Variants in COL1A2 observed in about 807,000 individuals in gnomAD.
COL1A2 encodes collagen alpha-2(I) chain.
Under a neutral mutation model 174.3 loss-of-function variants are expected in COL1A2, and 49 were observed. The ratio of observed to expected loss-of-function variants is 0.28; its 90% CI spans 0.22 to 0.36. COL1A2 has a LOEUF of 0.36. Ranked by LOEUF, COL1A2 falls within the 10% of genes least tolerant of loss-of-function variation. COL1A2 has a pLI of 1.00. For missense variants in COL1A2, 1,438 were observed against 1,822.7 expected, an observed-to-expected ratio of 0.79 and a Z score of 3.84; for synonymous variants, 655 against 606.6, an observed-to-expected ratio of 1.08 and a Z score of -1.17.
intron 31 of COL1A2, among the ~76,000 whole-genome samples, chr7:94,417,296 A>C (rs1338787295): frequency 6.6e-6 from 1 of 152,208 alleles, no homozygotes; most frequent in East Asian, 1.9e-4. Flanking sequence ...AAAATGGAAG[A>C]TACAGTCTCT....
At chr7:94,416,377 C>T in intron 30 of COL1A2, 28 bp from the exon 31 acceptor site, 1 of 1,531,558 alleles carries the variant, frequency 6.5e-7, no homozygotes, top group Non-Finnish European at 8.9e-7. Flanking sequence ...ATGAATGGTG[C>T]AACACTTCTT....
intron 31 of COL1A2, 169 bp downstream of exon 31, chr7:94,416,672 T>A: frequency 1.6e-6 from 1 of 615,116 alleles, no homozygotes; most frequent in Non-Finnish European, 2.9e-6. Flanking sequence ...TGAATTATTC[T>A]AAACAAACAA....
At chr7:94,401,989 T>C (rs1021079776) in intron 6 of COL1A2, among the ~76,000 whole-genome samples, 1 of 152,150 alleles carries the variant, frequency 6.6e-6, no homozygotes. Flanking sequence ...TTAACATTGC[T>C]TAGAATTTTA....
rs759295827 is a variant in COL1A2 at position 94,429,474 on chromosome 7, G to A, written c.3954+44G>A. ...TGGGAATAGCTTTGGGAAGTGGGATGGAGGGGGTTCTAACTTAGACTGCCC... is the reference window on the plus strand; with the variant it reads ...TGGGAATAGCTTTGGGAAGTGGGATAGAGGGGGTTCTAACTTAGACTGCCC... On this transcript the variant is annotated intron_variant, in intron 51 of 51. Transcript: ENST00000297268. The A allele has an allele frequency of 2.5e-6, 4 of 1,610,116 alleles. No homozygotes were observed. The South Asian group carries it at 4.4e-5, about 18-fold the overall frequency.
At chr7:94,419,027 C>A (rs1490664087) in intron 33 of COL1A2, among the ~76,000 whole-genome samples, 1 of 148,932 alleles carries the variant, frequency 6.7e-6, no homozygotes, top group Non-Finnish European at 1.5e-5. Context: ...AAAGATAATC[C>A]CATGACAGTC....
Position 94,405,185 on chromosome 7 carries a change from G to A in COL1A2, c.433-14G>A, listed in dbSNP as rs1465833801. ...ACCAAGAAGAAGTTGACTCTACAAT[G>A]TTTTCATGTTTAGGGTCACCCTGGA... is the stretch of plus-strand genomic sequence containing the variant. On this transcript the variant is annotated splice_polypyrimidine_tract_variant and intron_variant, in intron 9 of 51. Transcript: ENST00000297268. 2 of 1,613,714 alleles carry A rather than the reference G, an allele frequency of 1.2e-6. No homozygotes were observed. The highest frequency in any genetic ancestry group is 1.1e-5 in the South Asian group (1 of 91,044).
At chr7:94,416,346 A>G in intron 30 of COL1A2, 59 bp from the exon 31 acceptor site, 1 of 1,415,200 alleles carries the variant, frequency 7.1e-7, no homozygotes, top group East Asian at 2.5e-5. Flanking sequence ...TCTCATATGT[A>G]AAACAGTATC....
intron 5 of COL1A2, among the ~76,000 whole-genome samples, chr7:94,400,566 C>CT (rs1791669778): frequency 1.3e-5 from 2 of 152,040 alleles, no homozygotes; most frequent in Non-Finnish European, 2.9e-5. Context: ...TAGTAAGGCA[C>CT]AAATAAGAGG....
At chr7:94,419,820 A>G (rs1223284578) in intron 34 of COL1A2, among the ~76,000 whole-genome samples, 1 of 152,216 alleles carries the variant, frequency 6.6e-6, no homozygotes, top group Non-Finnish European at 1.5e-5. Context: ...CAATATCCTA[A>G]TGCACTGAGG....
In COL1A2 at chr7:94,423,085, T is replaced by A; in HGVS notation, c.2532T>A (p.Gly844=). The change falls in exon 40 of 52, where the codon GGT becomes GGA. Residue 844 remains glycine, a synonymous_variant. Transcript: ENST00000297268. The part of the protein sequence containing the change: ...VGAVGPPGFA[G]EKGPSGEAGT... Reference sequence around the variant, plus strand: ...CAGTTGGTCCCCCTGGCTTCGCTGGTGAGAAGGGTCCCTCTGGAGAGGCTG... The same window carrying A: ...CAGTTGGTCCCCCTGGCTTCGCTGGAGAGAAGGGTCCCTCTGGAGAGGCTG... 6.2e-7 allele frequency: 1 copy of A among 1,614,082 alleles called. No individual in the cohort carries two copies. The highest frequency in any genetic ancestry group is 8.5e-7 in the Non-Finnish European group (1 of 1,179,932).
chr7:94,429,122 TCATGTTTGAC>T, intron 50 of COL1A2, 56 bp from the exon 51 acceptor site: 3 of 1,247,814 alleles, frequency 2.4e-6, no homozygotes, highest in South Asian at 1.4e-5. Context: ...TTTTTTTTTT[TCATGTTTGAC>T]TCTTAGTATC....
chr7:94,409,431 A>G lies in COL1A2; in HGVS notation c.891+11A>G, dbSNP rs1295335651. The G allele has an allele frequency of 3.7e-6, 6 of 1,613,672 alleles. No homozygotes were observed. The highest frequency in any genetic ancestry group is 3.3e-5 in the South Asian group (3 of 91,076). On this transcript the variant is annotated intron_variant, in intron 17 of 51. Coordinates refer to ENST00000297268, the MANE Select transcript of COL1A2 (RefSeq NM_000089.4). ...CCCGTTGGACCTCCTGTAAGTAGCCACTGTCTTTAAACTTTATTGAGTAAA... is the reference window on the plus strand; with the variant it reads ...CCCGTTGGACCTCCTGTAAGTAGCCGCTGTCTTTAAACTTTATTGAGTAAA...
Position 94,414,026 on chromosome 7 carries a change from TC to T in COL1A2, c.1665+81del, listed in dbSNP as rs140284827. On this transcript the variant is annotated intron_variant, in intron 28 of 51. Transcript: ENST00000297268. Reference sequence around the variant, plus strand: ...AAATCACCATACCGTACCTCTCTTCTCCACCACAATAAACATGATTTCAGGA... The same window carrying T: ...AAATCACCATACCGTACCTCTCTTCTCACCACAATAAACATGATTTCAGGA... 998 of 1,410,394 alleles carry T rather than the reference TC, an allele frequency of 7.1e-4. 3 individuals carry two copies. The African/African-American group carries it at 0.012, about 18-fold the overall frequency. 87.4% of individuals were successfully genotyped at this position (1,410,394 alleles called of 1,614,324 possible).
Position 94,415,241 on chromosome 7 carries a change from T to A in COL1A2, c.1735T>A (p.Phe579Ile). 6.2e-7 allele frequency: 1 copy of A among 1,613,904 alleles called. No individual in the cohort carries two copies. The highest frequency in any genetic ancestry group is 8.5e-7 in the Non-Finnish European group (1 of 1,179,800). ...TTTTGTCTAGGGTCTCCATGGTGAG[T>A]TTGGTCTCCCTGGTCCTGCTGGTCC... ...KPGERGLHGEFGLPGPAGPRG... is the reference protein window; with the variant it reads ...KPGERGLHGEIGLPGPAGPRG... The change falls in exon 30 of 52, where the codon TTT (phenylalanine) becomes ATT (isoleucine). Residue 579 changes from phenylalanine to isoleucine, a missense_variant. Physicochemically the swap from Phe to Ile is conservative, Grantham distance 21. Transcript: ENST00000297268.
At chr7:94,413,586 TA>T (rs1044388892) in intron 26 of COL1A2, 103 bp from the exon 27 acceptor site, 2 of 1,159,100 alleles carry the variant, frequency 1.7e-6, no homozygotes, top group Non-Finnish European at 2.6e-6. Context: ...TAATTCATGC[TA>T]AAATGACAAA....
intron 9 of COL1A2, 145 bp from the exon 10 acceptor site, chr7:94,405,054 C>T (rs1791767207): frequency 1.9e-6 from 2 of 1,074,842 alleles, no homozygotes; most frequent in Non-Finnish European, 2.8e-6. Context: ...AACTAACCTA[C>T]TTGTATTAAG....
chr7:94,429,775 G>A (rs1331918509), intron 51 of COL1A2: 3 of 270,738 alleles, frequency 1.1e-5, no homozygotes, highest in South Asian at 5.5e-5. Flanking sequence ...GACTTCAGTG[G>A]CCTAAACTAT....
chr7:94,412,756 C>G, intron 25 of COL1A2, 74 bp downstream of exon 25: 1 of 1,263,888 alleles, frequency 7.9e-7, no homozygotes, highest in Non-Finnish European at 1.1e-6. Context: ...GTATTTATCT[C>G]CTGCGAATCA....
intron 2 of COL1A2, among the ~76,000 whole-genome samples, 167 bp downstream of exon 2, chr7:94,397,925 T>C (rs1791614566): frequency 1.3e-5 from 2 of 151,982 alleles, no homozygotes; most frequent in Admixed American, 6.6e-5. Context: ...CCTTAGAAAG[T>C]ACCCACCCAA....
Sources: allele counts gnomAD v4.1 joint callset (sites outside exome capture counted in the v4.1 genomes callset), GRCh38; gene constraint gnomAD v4.1.1; transcripts MANE v1.5; gene names NCBI Gene and HGNC (gene_info 2026-07-23, HGNC 2026-07-21).